ASB3: variants seen among roughly 807,000 people sequenced by gnomAD.
ASB3 encodes the protein ankyrin repeat and SOCS box containing 3, also known as ankyrin repeat and SOCS box protein 3.
Under a neutral mutation model 54.5 loss-of-function variants are expected in ASB3, and 41 were observed. The ratio of observed to expected loss-of-function variants is 0.75; its 90% confidence interval spans 0.59 to 0.98. The LOEUF (loss-of-function observed/expected upper bound fraction) is 0.98, where lower values mean the gene tolerates loss of function less well. Among genes scored for constraint, ASB3 ranks in the 50% least tolerant of loss-of-function variants. ASB3 has a pLI of 0.00. For missense variants in ASB3, 733 were observed against 620.0 expected, an observed-to-expected ratio of 1.18 and a Z score of -1.94; for synonymous variants, 266 against 221.2, an observed-to-expected ratio of 1.20 and a Z score of -1.80.
intron 1 of ASB3, among the ~76,000 whole-genome samples, chr2:53,782,947 C>T (rs749033375): frequency 6.6e-6 from 1 of 152,026 alleles, no homozygotes; most frequent in Non-Finnish European, 1.5e-5. Context: ...CCAAGACTTC[C>T]GGCTAATTTT....
intron 9 of ASB3, among the ~76,000 whole-genome samples, chr2:53,681,987 G>T (rs1292867199): frequency 6.6e-6 from 1 of 151,620 alleles, no homozygotes; most frequent in East Asian, 1.9e-4. Flanking sequence ...GTGAAACCTC[G>T]TCTCTACTAA....
At chr2:53,671,177 T>A (rs1667791102) in intron 9 of ASB3, among the ~76,000 whole-genome samples, 1 of 152,236 alleles carries the variant, frequency 6.6e-6, no homozygotes, top group South Asian at 2.1e-4. Flanking sequence ...ATTTACTGAG[T>A]GCCTTCTATG....
chr2:53,744,133 T>C (rs1672091616), intron 3 of ASB3, among the ~76,000 whole-genome samples: 1 of 151,752 alleles, frequency 6.6e-6, no homozygotes, highest in African/African-American at 2.4e-5. Context: ...TCCCAGCACT[T>C]TGGGAAGCCG....
chr2:53,756,116 T>C (rs917668827), intron 2 of ASB3, among the ~76,000 whole-genome samples: 6 of 151,996 alleles, frequency 3.9e-5, no homozygotes, highest in Non-Finnish European at 8.8e-5. Context: ...CAATGAGCCA[T>C]GATCACACCA....
Position 53,670,578 on chromosome 2 carries a change from T to G in ASB3, c.1482A>C (p.Leu494=). The G allele has an allele frequency of 6.2e-7, 1 of 1,614,030 alleles. No homozygotes were observed. The highest frequency in any genetic ancestry group is 8.5e-7 in the Non-Finnish European group (1 of 1,179,990). ...CGTCTTCATAGAGCAAATAATTATG[T>G]AGGCTTCTGGGAAGTGGCAGCTGAC... The part of the protein sequence containing the change: ...YISQLPLPRS[L]HNYLLYEDVL... Residue 494 remains leucine, a synonymous_variant, in exon 10 of 10, where the codon CTA becomes CTC. Coordinates refer to ENST00000263634, the MANE Select transcript of ASB3 (RefSeq NM_016115.5).
chr2:53,732,500 T>C (rs78826441), intron 3 of ASB3, among the ~76,000 whole-genome samples: 8,638 of 152,222 alleles, frequency 0.057, 460 homozygotes, highest in East Asian at 0.28. Flanking sequence ...CAGTGATATA[T>C]GAAGGAGAGT....
intron 6 of ASB3, among the ~76,000 whole-genome samples, chr2:53,714,828 A>G (rs910247033): frequency 3.3e-5 from 5 of 152,178 alleles, no homozygotes; most frequent in African/African-American, 1.2e-4. Context: ...TAATGTTCCT[A>G]TATGTAAACA....
At chr2:53,679,003 C>T (rs1001131047) in intron 9 of ASB3, among the ~76,000 whole-genome samples, 2 of 152,106 alleles carry the variant, frequency 1.3e-5, no homozygotes, top group African/African-American at 2.4e-5. Context: ...CAATCTTTAA[C>T]ATCATGGAGA....
intron 1 of ASB3, among the ~76,000 whole-genome samples, chr2:53,775,556 G>A (rs2104184984): frequency 6.6e-6 from 1 of 152,256 alleles, no homozygotes; most frequent in Non-Finnish European, 1.5e-5. Flanking sequence ...GCTCACTGCA[G>A]CCTTCACCTC....
intron 3 of ASB3, among the ~76,000 whole-genome samples, chr2:53,734,069 T>G (rs963408261): frequency 5.9e-5 from 9 of 152,210 alleles, no homozygotes; most frequent in Non-Finnish European, 1.3e-4. Flanking sequence ...CCGCCCTGGG[T>G]GGGCCAGGTG....
At chr2:53,767,871 G>A (rs1181232903) in intron 1 of ASB3, 5 of 1,598,626 alleles carry the variant, frequency 3.1e-6, no homozygotes, top group Non-Finnish European at 4.3e-6. Flanking sequence ...CACTGGGGCA[G>A]AGGAGCCGCG....
chr2:53,749,935 T>A (rs967664818), intron 3 of ASB3, among the ~76,000 whole-genome samples: 1 of 152,034 alleles, frequency 6.6e-6, no homozygotes, highest in African/African-American at 2.4e-5. Flanking sequence ...CTAAAGTACA[T>A]AAATTTAAGT....
intron 2 of ASB3, among the ~76,000 whole-genome samples, chr2:53,754,279 T>C (rs1030338246): frequency 6.6e-6 from 1 of 152,032 alleles, no homozygotes; most frequent in African/African-American, 2.4e-5. Context: ...GAGATAAATC[T>C]CCCATGTAGA....
intron 9 of ASB3, among the ~76,000 whole-genome samples, chr2:53,674,269 A>G (rs1667966802): frequency 6.6e-6 from 1 of 152,192 alleles, no homozygotes; most frequent in Non-Finnish European, 1.5e-5. Context: ...AAACCATGCT[A>G]CACTTCTAAG....
Position 53,700,629 on chromosome 2 carries a change from T to A in ASB3, c.981-101A>T, listed in dbSNP as rs373452449. On this transcript the variant is annotated intron_variant, in intron 7 of 9. Transcript: ENST00000263634. ...AGTAGTTACAGCTGGGGAATAAGTA[T>A]GGCAGATTAAATAGTGGATGGTTTC... 24 of 1,438,690 alleles carry A rather than the reference T, an allele frequency of 1.7e-5. No homozygotes were observed. In the Admixed American group the frequency reaches 4.7e-4, roughly 28 times the overall value. 89.1% of individuals were successfully genotyped at this position (1,438,690 alleles called of 1,614,324 possible).
chr2:53,689,439 T>C (rs926704925), intron 9 of ASB3, among the ~76,000 whole-genome samples: 1 of 152,252 alleles, frequency 6.6e-6, no homozygotes, highest in Non-Finnish European at 1.5e-5. Context: ...AATATTCTTT[T>C]AAAAACTAAT....
At chr2:53,697,458 GC>G (rs140282859) in intron 8 of ASB3, among the ~76,000 whole-genome samples, 26,399 of 151,976 alleles carry the variant, frequency 0.17, 2,306 homozygotes, top group South Asian at 0.23. Flanking sequence ...CTATGGACTT[GC>G]CCCGAATTCT....
At chr2:53,767,322 G>A (rs1673530545) in intron 1 of ASB3, 1 of 152,194 alleles carries the variant, frequency 6.6e-6, no homozygotes, top group South Asian at 2.1e-4. Flanking sequence ...TTATTTGAAA[G>A]GCAAAAGACT....
At chr2:53,754,421 T>A (rs550964479) in intron 2 of ASB3, among the ~76,000 whole-genome samples, 1 of 152,326 alleles carries the variant, frequency 6.6e-6, no homozygotes, top group East Asian at 1.9e-4. Context: ...AAATCTCCTG[T>A]GTGATTATAT....
Sources: allele counts gnomAD v4.1 joint callset (sites outside exome capture counted in the v4.1 genomes callset), GRCh38; gene constraint gnomAD v4.1.1; transcripts MANE v1.5; gene names NCBI Gene and HGNC (gene_info 2026-07-23, HGNC 2026-07-21).